The following ELAVL4 variants were observed in gnomAD, a reference collection of about 807,000 sequenced individuals.
The protein encoded by ELAVL4 is ELAV like RNA binding protein 4, also known as ELAV-like protein 4.
Under a neutral mutation model 35.6 loss-of-function variants are expected in ELAVL4, and 1 was observed. That is an observed-to-expected ratio of 0.03 (90% CI 0.01 to 0.13). ELAVL4 has a LOEUF of 0.13. Among genes scored for constraint, ELAVL4 ranks in the 10% least tolerant of loss-of-function variants. ELAVL4 has a pLI of 1.00. For synonymous variants in ELAVL4, 156 were observed against 171.0 expected, an observed-to-expected ratio of 0.91 and a Z score of 0.69; for missense variants, 267 against 464.9, an observed-to-expected ratio of 0.57 and a Z score of 3.91.
At position 50,203,600 on chromosome 1, in the gene ELAVL4, A is replaced by G. The variant is rs1019591502; in HGVS notation, c.*2422A>G. ...GGAAAAAAAAAGGAAAAAAAATCTT[A>G]GGACCAGGCAGTTGTATACTTTAGT... On this transcript the variant is annotated 3_prime_UTR_variant, in exon 7 of 7. Coordinates refer to ENST00000371824, the MANE Select transcript of ELAVL4 (RefSeq NM_001144774.3). The G allele has an allele frequency of 6.6e-6, 1 of 152,192 alleles. No individual in the cohort carries two copies. The highest frequency in any genetic ancestry group is 2.4e-5 in the African/African-American group (1 of 41,448). 9.4% of individuals were successfully genotyped at this position (152,192 alleles called of 1,614,324 possible).
chr1:50,101,830 A>G (rs1282844803), upstream of ELAVL4, among the ~76,000 whole-genome samples: 1 of 152,240 alleles, frequency 6.6e-6, no homozygotes, highest in Non-Finnish European at 1.5e-5. Context: ...TCTTACTTTT[A>G]GATAAGGAAA....
chr1:50,065,006 G>A (rs943511007), intron 1 of ELAVL4, among the ~76,000 whole-genome samples: 10 of 151,960 alleles, frequency 6.6e-5, no homozygotes, highest in East Asian at 1.9e-4. Context: ...TGGAACTGTC[G>A]GCTGGCAATT....
chr1:50,154,643 GC>G (rs1572428226), intron 2 of ELAVL4, among the ~76,000 whole-genome samples: 2 of 152,174 alleles, frequency 1.3e-5, no homozygotes. Flanking sequence ...GTTTTCAGAG[GC>G]TTTTATACTC....
intron 1 of ELAVL4, among the ~76,000 whole-genome samples, chr1:50,085,193 G>C (rs1665186277): frequency 1.3e-5 from 2 of 152,274 alleles, no homozygotes; most frequent in Middle Eastern, 3.4e-3. Context: ...TTTGATAGGT[G>C]ACTTAAACCA....
intron 1 of ELAVL4, among the ~76,000 whole-genome samples, chr1:50,133,609 A>AAGAAAG (rs1671290141): frequency 7.4e-6 from 1 of 135,674 alleles, no homozygotes; most frequent in Non-Finnish European, 1.5e-5. Context: ...AAAAGAAAGA[A>AAGAAAG]AGAAAGAAAG....
At chr1:50,164,952 G>A (rs1029253880) in intron 2 of ELAVL4, among the ~76,000 whole-genome samples, 3 of 152,162 alleles carry the variant, frequency 2.0e-5, no homozygotes, top group Admixed American at 2.0e-4. Flanking sequence ...AATGAATAAA[G>A]CAGCATCTTG....
At chr1:50,095,165 C>T (rs1456369928) in intron 1 of ELAVL4, among the ~76,000 whole-genome samples, 2 of 152,130 alleles carry the variant, frequency 1.3e-5, no homozygotes, top group African/African-American at 2.4e-5. Context: ...TGCCTAAGGT[C>T]ACATAGCTAG....
In ELAVL4 at chr1:50,137,756, G is replaced by A. The variant is rs752036325; in HGVS notation, c.10-7201G>A. The stretch of plus-strand genomic sequence containing the variant: ...CTGAGAGCAAGAAATCATATGAAAA[G>A]AGTGGTTTGGGAAGGAAGGAAAGGT... On this transcript the variant is annotated intron_variant, in intron 1 of 6. Coordinates refer to ENST00000371824, the MANE Select transcript of ELAVL4 (RefSeq NM_001144774.3). Among the ~76,000 whole-genome samples the A allele has an allele frequency of 9.2e-5, 14 of 152,148 alleles. No homozygotes were observed. In the South Asian group the frequency reaches 1.7e-3, roughly 18 times the overall value.
intron 1 of ELAVL4, among the ~76,000 whole-genome samples, chr1:50,126,884 T>G (rs955749622): frequency 1.3e-5 from 2 of 152,232 alleles, no homozygotes; most frequent in East Asian, 3.9e-4. Context: ...GGGCACTGAA[T>G]GAAACTTTAA....
At chr1:50,189,395 T>C (rs1462236949) in intron 3 of ELAVL4, among the ~76,000 whole-genome samples, 1 of 152,242 alleles carries the variant, frequency 6.6e-6, no homozygotes, top group Non-Finnish European at 1.5e-5. Flanking sequence ...CAACGCCTGC[T>C]TTACCCACCT....
At chr1:50,193,662 A>G (rs940710371) in intron 3 of ELAVL4, 103 bp from the exon 4 acceptor site, 131 of 1,386,904 alleles carry the variant, frequency 9.4e-5, no homozygotes, top group Non-Finnish European at 1.2e-4. Context: ...TGACACCATG[A>G]GTTGTAACGG....
chr1:50,168,888 G>T (rs1262633178), intron 2 of ELAVL4, among the ~76,000 whole-genome samples: 1 of 150,384 alleles, frequency 6.6e-6, no homozygotes, highest in Non-Finnish European at 1.5e-5. Context: ...AACCACTCCT[G>T]GTACCAAAAT....
At chr1:50,165,822 ATG>A (rs1178764199) in intron 2 of ELAVL4, among the ~76,000 whole-genome samples, 2 of 151,014 alleles carry the variant, frequency 1.3e-5, no homozygotes, top group Non-Finnish European at 2.9e-5. Context: ...GTATATATAT[ATG>A]TGTGTGTGTA....
At chr1:50,090,175 T>C (rs537315715) in intron 1 of ELAVL4, among the ~76,000 whole-genome samples, 114 of 152,292 alleles carry the variant, frequency 7.5e-4, no homozygotes, top group Non-Finnish European at 1.4e-3. Flanking sequence ...ACTGAGTCTC[T>C]TTTTTCCTCC....
chr1:50,075,278 A>T (rs1237425494), intron 1 of ELAVL4, among the ~76,000 whole-genome samples: 1 of 152,202 alleles, frequency 6.6e-6, no homozygotes, highest in East Asian at 1.9e-4. Flanking sequence ...AGGAAAAGGT[A>T]TTGAAAGGTT....
intron 1 of ELAVL4, among the ~76,000 whole-genome samples, chr1:50,065,771 C>G (rs1664229062): frequency 6.6e-6 from 1 of 152,132 alleles, no homozygotes; most frequent in African/African-American, 2.4e-5. Flanking sequence ...TTAGTCAGCT[C>G]TTGGGCAAGA....
intron 1 of ELAVL4, chr1:50,048,188 A>G (rs2148465053): frequency 6.6e-7 from 1 of 1,521,406 alleles, no homozygotes; most frequent in Non-Finnish European, 8.8e-7. Flanking sequence ...ACCAGGTAGA[A>G]GCGCCTCGGC....
At chr1:50,073,154 GC>G (rs1664606931) in intron 1 of ELAVL4, among the ~76,000 whole-genome samples, 1 of 152,160 alleles carries the variant, frequency 6.6e-6, no homozygotes, top group African/African-American at 2.4e-5. Context: ...TCTCCCTCTA[GC>G]CTCATGGTAC....
At chr1:50,187,006 G>A (rs1309446698) in intron 3 of ELAVL4, among the ~76,000 whole-genome samples, 1 of 152,142 alleles carries the variant, frequency 6.6e-6, no homozygotes, top group Non-Finnish European at 1.5e-5. Flanking sequence ...TCTTTCTTCT[G>A]TCCCTGCTCC....
Sources: allele counts gnomAD v4.1 joint callset (sites outside exome capture counted in the v4.1 genomes callset), GRCh38; gene constraint gnomAD v4.1.1; transcripts MANE v1.5; gene names NCBI Gene and HGNC (gene_info 2026-07-23, HGNC 2026-07-21).